SOX5: variants seen among roughly 807,000 people sequenced by gnomAD.
The protein encoded by SOX5 is transcription factor SOX-5.
Under a neutral mutation model 92.0 loss-of-function variants are expected in SOX5, and 9 were observed. The ratio of observed to expected loss-of-function variants is 0.10; its 90% confidence interval spans 0.06 to 0.17. SOX5 has a LOEUF of 0.17. SOX5 is among the 10% of genes least tolerant of loss of function. SOX5 has a pLI of 1.00. For synonymous variants in SOX5, 344 were observed against 336.3 expected (o/e 1.02, Z -0.25); for missense variants, 642 against 944.5 (o/e 0.68, Z 4.20).
intron 4 of SOX5, among the ~76,000 whole-genome samples, chr12:23,746,107 T>C (rs1389695720): frequency 6.6e-6 from 1 of 152,134 alleles, no homozygotes; most frequent in Admixed American, 6.6e-5. Context: ...ACAAAAGTAC[T>C]AAACTGAGAT....
At position 24,540,169 on chromosome 12, in the gene SOX5, G is replaced by T. The variant is rs147596287; in HGVS notation, c.-251+22160C>A. On this transcript the variant is annotated intron_variant, in intron 1 of 4. Transcript: ENST00000446891. ...CGTAAGGACCTTATCTGAAGAATCTGCCAACATAGGATTAGCATTGTAGTT... is the reference window on the plus strand; with the variant it reads ...CGTAAGGACCTTATCTGAAGAATCTTCCAACATAGGATTAGCATTGTAGTT... Among the ~76,000 whole-genome samples, 320 of 152,200 alleles carry T rather than the reference G, an allele frequency of 2.1e-3. 1 individual carries two copies. The highest frequency in any genetic ancestry group is 3.4e-3 in the Middle Eastern group (1 of 294).
intron 4 of SOX5, among the ~76,000 whole-genome samples, chr12:24,134,301 G>C (rs896664961): frequency 6.6e-6 from 1 of 152,136 alleles, no homozygotes; most frequent in Admixed American, 6.6e-5. Context: ...AAAAACCACT[G>C]CTGTGAGAAA....
intron 2 of SOX5, among the ~76,000 whole-genome samples, chr12:24,318,125 C>G (rs1458680954): frequency 6.6e-6 from 1 of 152,140 alleles, no homozygotes; most frequent in Non-Finnish European, 1.5e-5. Context: ...ATGAGAATCG[C>G]TTGAAACCGG....
chr12:24,043,231 C>G (rs1733098448), intron 4 of SOX5, among the ~76,000 whole-genome samples: 1 of 152,104 alleles, frequency 6.6e-6, no homozygotes, highest in Admixed American at 6.6e-5. Flanking sequence ...CATTTTCTGT[C>G]AACAGAAGAC....
chr12:24,237,128 C>T (rs1964672555), intron 3 of SOX5, among the ~76,000 whole-genome samples: 1 of 152,170 alleles, frequency 6.6e-6, no homozygotes, highest in African/African-American at 2.4e-5. Flanking sequence ...TCTGAATTTA[C>T]CATGTTAGTG....
At chr12:23,923,293 A>AAATGAATG (rs142332141) in intron 1 of SOX5, among the ~76,000 whole-genome samples, 21,101 of 149,004 alleles carry the variant, frequency 0.14, 1,718 homozygotes, top group East Asian at 0.28. Context: ...ACCCAAAAAT[A>AAATGAATG]AATGAATGAA....
At chr12:24,380,084 C>T (rs1378155345) in intron 1 of SOX5, among the ~76,000 whole-genome samples, 4 of 152,154 alleles carry the variant, frequency 2.6e-5, no homozygotes, top group Admixed American at 6.5e-5. Context: ...GATTGATTTG[C>T]ATCATCATTA....
intron 1 of SOX5, among the ~76,000 whole-genome samples, chr12:23,903,277 G>T (rs1243663139): frequency 1.3e-5 from 2 of 152,084 alleles, no homozygotes; most frequent in Admixed American, 6.6e-5. Context: ...ATTCAACAGG[G>T]TAATGAAGAA....
chr12:24,394,140 A>C (rs1327556834), intron 1 of SOX5, among the ~76,000 whole-genome samples: 2 of 152,168 alleles, frequency 1.3e-5, no homozygotes, highest in Admixed American at 6.5e-5. Context: ...ATCACACACA[A>C]CAAGGGAAGC....
At chr12:23,734,467 A>G (rs1009080139) in intron 6 of SOX5, among the ~76,000 whole-genome samples, 1 of 152,172 alleles carries the variant, frequency 6.6e-6, no homozygotes, top group African/African-American at 2.4e-5. Context: ...GATGAAAATA[A>G]CTGTTAGCTT....
intron 6 of SOX5, among the ~76,000 whole-genome samples, chr12:23,726,722 T>A (rs77514003): frequency 0.064 from 9,794 of 152,100 alleles, 358 homozygotes; most frequent in South Asian, 0.087. Flanking sequence ...TGGGAAGAGG[T>A]TGAAAAGTCA....
At chr12:23,551,693 G>A (rs1944250376) in intron 11 of SOX5, among the ~76,000 whole-genome samples, 1 of 151,636 alleles carries the variant, frequency 6.6e-6, no homozygotes, top group Non-Finnish European at 1.5e-5. Context: ...TCTCCATTGA[G>A]AATTATAGTG....
intron 1 of SOX5, chr12:23,944,374 C>A (rs1036659444): frequency 6.6e-6 from 1 of 152,038 alleles, no homozygotes; most frequent in Non-Finnish European, 1.5e-5. Context: ...GCAACACCCC[C>A]CTATTGGACA....
At chr12:23,768,092 G>A (rs889648347) in intron 3 of SOX5, among the ~76,000 whole-genome samples, 5 of 151,976 alleles carry the variant, frequency 3.3e-5, no homozygotes, top group East Asian at 3.9e-4. Flanking sequence ...ATTTTCAAAG[G>A]TAGAAAAATG....
At chr12:24,410,853 C>G (rs1057151729) in intron 1 of SOX5, among the ~76,000 whole-genome samples, 1 of 152,074 alleles carries the variant, frequency 6.6e-6, no homozygotes, top group Non-Finnish European at 1.5e-5. Flanking sequence ...ACAAAAAAGC[C>G]TTGTTGAGAT....
intron 4 of SOX5, among the ~76,000 whole-genome samples, chr12:24,160,301 A>G (rs1043770552): frequency 4.6e-5 from 7 of 152,076 alleles, no homozygotes; most frequent in African/African-American, 1.7e-4. Flanking sequence ...AATATATAGA[A>G]GAAAAAGAAT....
At position 24,519,340 on chromosome 12, in the gene SOX5, T is replaced by C. The variant is rs573084014; in HGVS notation, c.-251+42989A>G. 2.0e-3 allele frequency among the ~76,000 whole-genome samples: 308 copies of C among 152,162 alleles called. 1 individual carries two copies. Among genetic ancestry groups the C allele is most frequent in the Non-Finnish European group, 3.4e-3 (230 of 67,994 alleles). On this transcript the variant is annotated intron_variant, in intron 1 of 4. Transcript: ENST00000446891. The stretch of plus-strand genomic sequence containing the variant: ...AGGAGGCAAGAAAATTAAGAAAATA[T>C]ATAGTAAATTCAAAATAGTAAGGGA...
At chr12:23,741,245 T>A (rs11047076) in intron 4 of SOX5, among the ~76,000 whole-genome samples, 2,128 of 152,284 alleles carry the variant, frequency 0.014, 49 homozygotes, top group African/African-American at 0.048. Context: ...AACTTGGCTC[T>A]CTGGCACAAT....
At chr12:24,222,582 C>T (rs576386257) in intron 3 of SOX5, among the ~76,000 whole-genome samples, 2 of 152,140 alleles carry the variant, frequency 1.3e-5, no homozygotes, top group African/African-American at 4.8e-5. Context: ...TACAAACTAC[C>T]ATGTAAAAGC....
Sources: allele counts gnomAD v4.1 joint callset (sites outside exome capture counted in the v4.1 genomes callset), GRCh38; gene constraint gnomAD v4.1.1; transcripts MANE v1.5; gene names NCBI Gene and HGNC (gene_info 2026-07-23, HGNC 2026-07-21).